Variants in MKLN1 observed in about 807,000 individuals in gnomAD.
The protein encoded by MKLN1 is muskelin 1.
In MKLN1, 18 loss-of-function variants were observed where a neutral mutation model predicts 99.0. The ratio of observed to expected loss-of-function variants is 0.18; its 90% CI spans 0.13 to 0.27. The LOEUF is 0.27. Among genes scored for constraint, MKLN1 ranks in the 10% least tolerant of loss-of-function variants. The pLI, the probability that MKLN1 is intolerant of heterozygous loss-of-function variation, is 1.00. For synonymous variants in MKLN1, 288 were observed against 293.2 expected, an observed-to-expected ratio of 0.98 and a Z score of 0.18; for missense variants, 621 against 875.9, an observed-to-expected ratio of 0.71 and a Z score of 3.67.
chr7:131,119,889 G>A (rs186340749), intron 1 of MKLN1, among the ~76,000 whole-genome samples: 2 of 152,326 alleles, frequency 1.3e-5, no homozygotes, highest in East Asian at 3.9e-4. Context: ...CTCAGAAAAT[G>A]GGGCTTTCTT....
intron 12 of MKLN1, among the ~76,000 whole-genome samples, chr7:131,453,655 T>G (rs191146274): frequency 6.6e-6 from 1 of 152,232 alleles, no homozygotes; most frequent in Non-Finnish European, 1.5e-5. Flanking sequence ...TCCAATTATT[T>G]TTAATAATCT....
intron 2 of MKLN1, among the ~76,000 whole-genome samples, chr7:131,167,391 G>C (rs917955064): frequency 6.6e-6 from 1 of 152,160 alleles, no homozygotes; most frequent in Non-Finnish European, 1.5e-5. Context: ...GGAAAAGAAG[G>C]CCAGGTATGG....
chr7:131,482,702 A>C (rs973114912), intron 17 of MKLN1, among the ~76,000 whole-genome samples: 5 of 152,184 alleles, frequency 3.3e-5, no homozygotes, highest in African/African-American at 1.2e-4. Context: ...CATCTCTAAA[A>C]ACAAAAAATT....
intron 3 of MKLN1, among the ~76,000 whole-genome samples, chr7:131,321,617 CATT>C (rs753301276): frequency 3.3e-5 from 5 of 152,180 alleles, no homozygotes; most frequent in Non-Finnish European, 5.9e-5. Flanking sequence ...TCAAATCTCT[CATT>C]ATCAAGTATT....
At chr7:131,237,788 A>G (rs1409598740) in intron 3 of MKLN1, among the ~76,000 whole-genome samples, 1 of 152,200 alleles carries the variant, frequency 6.6e-6, no homozygotes, top group African/African-American at 2.4e-5. Flanking sequence ...TAATTGACAC[A>G]TGTTGACTAT....
chr7:131,340,275 C>CTTTTTTTTT lies in MKLN1; in HGVS notation c.98+12291_98+12299dup, dbSNP rs398006316. On this transcript the variant is annotated intron_variant, in intron 1 of 17. Coordinates refer to ENST00000352689, the MANE Select transcript of MKLN1 (RefSeq NM_013255.5). ...CATTTTTTACAGTTTGTAATTACGG[C>CTTTTTTTTT]TTTTTTTTTTTTTTTTTTTTTGAGA... Among the ~76,000 whole-genome samples the CTTTTTTTTT allele has an allele frequency of 1.2e-4, 10 of 85,046 alleles. 1 individual carries two copies. The highest frequency in any genetic ancestry group is 1.4e-4 in the African/African-American group (3 of 21,114). The allele number at this position is 85,046 out of a possible 152,430, so 55.8% of individuals were successfully genotyped here.
intron 2 of MKLN1, among the ~76,000 whole-genome samples, chr7:131,189,491 G>A (rs1433396753): frequency 1.3e-5 from 2 of 151,150 alleles, no homozygotes; most frequent in African/African-American, 2.4e-5. Context: ...GCTTCTTACG[G>A]TATTTCAGAA....
intron 2 of MKLN1, among the ~76,000 whole-genome samples, chr7:131,377,713 T>G (rs1193974133): frequency 6.6e-6 from 1 of 152,224 alleles, no homozygotes; most frequent in Non-Finnish European, 1.5e-5. Flanking sequence ...TTTTGTTTGC[T>G]TATTCATTCA....
intron 1 of MKLN1, among the ~76,000 whole-genome samples, chr7:131,135,267 C>T (rs9690320): frequency 0.21 from 32,620 of 152,066 alleles, 3,719 homozygotes; most frequent in African/African-American, 0.26. Flanking sequence ...GGACTACAGG[C>T]GCCCACCACC....
chr7:131,478,682 G>T lies in MKLN1; in HGVS notation c.2086+5G>T. Reference sequence around the variant, plus strand: ...GTTCAGATTTTACAGCTCTGGGTAAGTATTGCAGTATAATTTATCCAGCTA... The same window carrying T: ...GTTCAGATTTTACAGCTCTGGGTAATTATTGCAGTATAATTTATCCAGCTA... On this transcript the variant is annotated splice_donor_5th_base_variant and intron_variant, in intron 17 of 17. Coordinates refer to ENST00000352689, the MANE Select transcript of MKLN1 (RefSeq NM_013255.5). 6.3e-7 allele frequency: 1 copy of T among 1,599,790 alleles called. No individual in the cohort carries two copies.
chr7:131,372,266 C>T (rs747853122), intron 1 of MKLN1, among the ~76,000 whole-genome samples: 1 of 151,898 alleles, frequency 6.6e-6, no homozygotes, highest in Non-Finnish European at 1.5e-5. Flanking sequence ...TTTTAATTGT[C>T]CTGTAGTCTT....
intron 3 of MKLN1, among the ~76,000 whole-genome samples, chr7:131,316,055 C>T (rs542904744): frequency 1.3e-5 from 2 of 152,306 alleles, no homozygotes; most frequent in South Asian, 4.1e-4. Context: ...AGGGTATTCT[C>T]CCAACACAGG....
At chr7:131,243,090 C>T in intron 3 of MKLN1, 1 of 436,266 alleles carries the variant, frequency 2.3e-6, no homozygotes, top group South Asian at 2.1e-5. Context: ...ATGGTACCGT[C>T]CTAGTGAAGT....
At chr7:131,301,556 C>T (rs193076563) in intron 3 of MKLN1, among the ~76,000 whole-genome samples, 1 of 152,268 alleles carries the variant, frequency 6.6e-6, no homozygotes, top group East Asian at 1.9e-4. Flanking sequence ...CGTCAATTGT[C>T]CTTTTCAGAC....
chr7:131,469,839 TAGG>T (rs1248500014), intron 15 of MKLN1, among the ~76,000 whole-genome samples: 1 of 151,514 alleles, frequency 6.6e-6, no homozygotes, highest in Non-Finnish European at 1.5e-5. Flanking sequence ...TGTTGTTGTT[TAGG>T]AGAACTCATC....
At chr7:131,383,623 T>C (rs1793916000) in intron 2 of MKLN1, among the ~76,000 whole-genome samples, 1 of 152,222 alleles carries the variant, frequency 6.6e-6, no homozygotes, top group Non-Finnish European at 1.5e-5. Context: ...TCTGGACTTT[T>C]CTAGTCTCAT....
At chr7:131,471,058 A>G in intron 16 of MKLN1, 114 bp downstream of exon 16, 2 of 660,886 alleles carry the variant, frequency 3.0e-6, no homozygotes, top group Non-Finnish European at 5.1e-6. Flanking sequence ...AAATATGATG[A>G]CATCAGTAAT....
chr7:131,339,127 A>G (rs978636077), intron 1 of MKLN1, among the ~76,000 whole-genome samples: 1 of 152,314 alleles, frequency 6.6e-6, no homozygotes, highest in Admixed American at 6.5e-5. Context: ...CTTCTAGTCA[A>G]CAGTAAGCTA....
intron 10 of MKLN1, 57 bp downstream of exon 10, chr7:131,438,054 A>G (rs969826436): frequency 1.4e-5 from 19 of 1,320,842 alleles, no homozygotes; most frequent in African/African-American, 2.9e-5. Flanking sequence ...GATTCTTGCA[A>G]TTAGAGTTTA....
Sources: gnomAD v4.1 joint callset for allele counts (sites outside exome capture counted in the v4.1 genomes callset) on GRCh38, gnomAD v4.1.1 for gene constraint, MANE v1.5 for transcripts, NCBI Gene and HGNC (gene_info 2026-07-23, HGNC 2026-07-21) for gene names.